SYCP1: variants seen among roughly 807,000 people sequenced by gnomAD.
SYCP1 encodes the protein cancer/testis antigen 8.
SYCP1 carries 64 observed loss-of-function variants against 153.1 expected under a neutral mutation model. The observed-to-expected ratio is 0.42, with a 90% confidence interval of 0.34 to 0.51. SYCP1 has a LOEUF of 0.51. Ranked by LOEUF, SYCP1 falls within the 20% of genes least tolerant of loss-of-function variation. The probability of loss-of-function intolerance (pLI) is 0.06; values close to 1 mark genes in which losing one functional copy is unlikely to be tolerated. For missense variants in SYCP1, 997 were observed against 1,049.0 expected (o/e 0.95, Z 0.68); for synonymous variants, 384 against 341.8 (o/e 1.12, Z -1.36).
At chr1:114,895,758 T>A (rs1018124675) in intron 16 of SYCP1, among the ~76,000 whole-genome samples, 1 of 152,114 alleles carries the variant, frequency 6.6e-6, no homozygotes, top group Non-Finnish European at 1.5e-5. Context: ...CAAATTTGCA[T>A]GTTATGTAGC....
At chr1:114,862,304 A>G (rs1163846941) in intron 8 of SYCP1, among the ~76,000 whole-genome samples, 1 of 152,100 alleles carries the variant, frequency 6.6e-6, no homozygotes, top group Non-Finnish European at 1.5e-5. Context: ...TCTTGCAGAA[A>G]ATAACTTGGG....
chr1:114,907,295 C>G (rs1371848437), intron 16 of SYCP1, among the ~76,000 whole-genome samples: 1 of 152,068 alleles, frequency 6.6e-6, no homozygotes, highest in Non-Finnish European at 1.5e-5. Flanking sequence ...GAATTTAGAC[C>G]ATTGATATCT....
intron 16 of SYCP1, among the ~76,000 whole-genome samples, chr1:114,901,138 G>A (rs1667416822): frequency 1.3e-5 from 2 of 152,042 alleles, no homozygotes; most frequent in African/African-American, 4.8e-5. Context: ...TTTTCAAATG[G>A]GGAGAGGAAT....
chr1:114,933,359 A>G (rs1419486384), intron 23 of SYCP1, among the ~76,000 whole-genome samples: 2 of 152,136 alleles, frequency 1.3e-5, no homozygotes, highest in Non-Finnish European at 1.5e-5. Context: ...AAAAGCTAAC[A>G]AACAGAAACA....
intron 12 of SYCP1, among the ~76,000 whole-genome samples, chr1:114,882,045 A>T (rs1240274507): frequency 1.3e-5 from 2 of 152,090 alleles, no homozygotes; most frequent in African/African-American, 4.8e-5. Context: ...TCTGAGTAAG[A>T]AAAAAACGTG....
At chr1:114,941,315 C>T (rs1361583559) in intron 23 of SYCP1, among the ~76,000 whole-genome samples, 1 of 152,058 alleles carries the variant, frequency 6.6e-6, no homozygotes, top group Non-Finnish European at 1.5e-5. Flanking sequence ...GTTGTTAAAA[C>T]AAGATACCTC....
At chr1:114,936,442 T>C (rs1228234550) in intron 23 of SYCP1, among the ~76,000 whole-genome samples, 2 of 152,080 alleles carry the variant, frequency 1.3e-5, no homozygotes, top group East Asian at 3.9e-4. Context: ...CCACAGCCAA[T>C]ACCATACTGA....
intron 7 of SYCP1, among the ~76,000 whole-genome samples, chr1:114,860,297 C>T (rs1321953108): frequency 6.6e-6 from 1 of 152,146 alleles, no homozygotes; most frequent in Non-Finnish European, 1.5e-5. Flanking sequence ...TCATCATTCA[C>T]ATAATGAATG....
intron 30 of SYCP1, among the ~76,000 whole-genome samples, chr1:114,993,075 T>A (rs923357352): frequency 1.3e-5 from 2 of 151,584 alleles, no homozygotes; most frequent in Non-Finnish European, 3.0e-5. Flanking sequence ...GGTTTTGTTG[T>A]TTTAAATTGA....
intron 27 of SYCP1, among the ~76,000 whole-genome samples, chr1:114,953,224 A>G (rs1671222473): frequency 6.6e-6 from 1 of 152,264 alleles, no homozygotes; most frequent in South Asian, 2.1e-4. Context: ...TTCAAACCAT[A>G]GCATCAGATA....
At chr1:114,961,839 A>G (rs1671796960) in intron 27 of SYCP1, among the ~76,000 whole-genome samples, 1 of 152,188 alleles carries the variant, frequency 6.6e-6, no homozygotes, top group Non-Finnish European at 1.5e-5. Context: ...AATGTTCTGT[A>G]AATACCTGTT....
At chr1:114,885,653 G>T (rs755604295) in intron 13 of SYCP1, 24 bp downstream of exon 13, 1 of 1,327,800 alleles carries the variant, frequency 7.5e-7, no homozygotes, top group South Asian at 1.3e-5. Flanking sequence ...ACTCATTAGT[G>T]TGTAATAAGT....
In SYCP1 at chr1:114,973,924, G is replaced by T. The variant is rs535885239; in HGVS notation, c.2323-3633G>T. Among the ~76,000 whole-genome samples the T allele has an allele frequency of 2.0e-5, 3 of 151,622 alleles. No homozygotes were observed. In the South Asian group the frequency reaches 6.3e-4, roughly 32 times the overall value. On this transcript the variant is annotated intron_variant, in intron 27 of 31. Transcript: ENST00000369522. ...TCCTTTTGAATTCTCTACTAATTTT[G>T]CATTGCATATTTTGATGAATACTAT...
intron 27 of SYCP1, among the ~76,000 whole-genome samples, chr1:114,967,289 C>G (rs756341857): frequency 2.6e-5 from 4 of 152,070 alleles, no homozygotes; most frequent in Non-Finnish European, 5.9e-5. Context: ...AAGTTTCCTA[C>G]TATTACTGTG....
intron 27 of SYCP1, among the ~76,000 whole-genome samples, chr1:114,963,304 A>G (rs372756441): frequency 4.1e-4 from 62 of 152,252 alleles, no homozygotes; most frequent in Middle Eastern, 6.8e-3. Context: ...GAGGAACACA[A>G]ATTTTCTTAG....
At chr1:114,993,883 C>A (rs1674092139) in intron 30 of SYCP1, among the ~76,000 whole-genome samples, 1 of 151,296 alleles carries the variant, frequency 6.6e-6, no homozygotes, top group Admixed American at 6.6e-5. Context: ...ACTCTTTATT[C>A]CACTTTCCCC....
intron 16 of SYCP1, among the ~76,000 whole-genome samples, chr1:114,896,004 T>C (rs1667037149): frequency 1.3e-5 from 2 of 152,166 alleles, no homozygotes; most frequent in South Asian, 4.1e-4. Context: ...TTGTGGGCCA[T>C]ACATGGTCTC....
intron 23 of SYCP1, among the ~76,000 whole-genome samples, chr1:114,933,462 G>C (rs1452188230): frequency 4.6e-5 from 7 of 152,206 alleles, no homozygotes; most frequent in Non-Finnish European, 1.0e-4. Context: ...GAGCAGAAAA[G>C]CTGAAAATTG....
intron 12 of SYCP1, among the ~76,000 whole-genome samples, chr1:114,882,185 AAAAC>A (rs371923005): frequency 0.063 from 9,588 of 151,658 alleles, 342 homozygotes; most frequent in Middle Eastern, 0.14. Flanking sequence ...ACCCTGTCTC[AAAAC>A]AAACAAACAA....
Sources: gnomAD v4.1 joint callset for allele counts (sites outside exome capture counted in the v4.1 genomes callset) on GRCh38, gnomAD v4.1.1 for gene constraint, MANE v1.5 for transcripts, NCBI Gene and HGNC (gene_info 2026-07-23, HGNC 2026-07-21) for gene names.